Variants in ELP3 observed in about 807,000 individuals in gnomAD.
ELP3 encodes the protein elongator complex protein 3.
Under a neutral mutation model 74.9 loss-of-function variants are expected in ELP3, and 56 were observed. That is an observed-to-expected ratio of 0.75 (90% CI 0.60 to 0.93). The LOEUF (loss-of-function observed/expected upper bound fraction) is 0.93, where lower values mean the gene tolerates loss of function less well. Ranked by LOEUF, ELP3 falls within the 40% of genes least tolerant of loss-of-function variation. The pLI is 0.00. For synonymous variants in ELP3, 222 were observed against 239.8 expected, an observed-to-expected ratio of 0.93 and a Z score of 0.68; for missense variants, 573 against 686.5, an observed-to-expected ratio of 0.83 and a Z score of 1.85.
At position 28,189,943 on chromosome 8, in the gene ELP3, C is replaced by T. The variant is rs1406520171; in HGVS notation, c.*218C>T. On this transcript the variant is annotated 3_prime_UTR_variant, in exon 15 of 15. Transcript: ENST00000256398. ...CTCCTGCGTGCACCCCAAAAAATCA[C>T]TTGCGTTTTTGAGGCTTAAATCATC... is the stretch of plus-strand genomic sequence containing the variant. 16 of 472,076 alleles carry T rather than the reference C, an allele frequency of 3.4e-5. No individual in the cohort carries two copies. The South Asian group carries it at 5.0e-4, about 15-fold the overall frequency. 29.2% of individuals were successfully genotyped at this position (472,076 alleles called of 1,614,324 possible). A position where few individuals can be genotyped will look rare whatever the true frequency, so the allele number is the denominator to read the frequency against.
At chr8:28,178,637 A>G (rs1436167452) in intron 14 of ELP3, among the ~76,000 whole-genome samples, 1 of 152,222 alleles carries the variant, frequency 6.6e-6, no homozygotes, top group Non-Finnish European at 1.5e-5. Context: ...TTTGGGACAC[A>G]TAAGGACATA....
intron 7 of ELP3, among the ~76,000 whole-genome samples, chr8:28,116,645 C>A (rs929860414): frequency 6.6e-6 from 1 of 152,098 alleles, no homozygotes; most frequent in Non-Finnish European, 1.5e-5. Context: ...GAGGCCGAGG[C>A]ACAGAAACAC....
At chr8:28,095,947 CAGA>C (rs1393095875) in intron 1 of ELP3, among the ~76,000 whole-genome samples, 5 of 152,188 alleles carry the variant, frequency 3.3e-5, no homozygotes, top group Non-Finnish European at 2.9e-5. Flanking sequence ...CTGAGCCAGA[CAGA>C]AGAAGGTGAG....
intron 14 of ELP3, among the ~76,000 whole-genome samples, chr8:28,185,060 C>T (rs1404708955): frequency 6.6e-6 from 1 of 152,130 alleles, no homozygotes; most frequent in African/African-American, 2.4e-5. Flanking sequence ...CTGTCTTCTG[C>T]ACTTTTGTGT....
chr8:28,097,963 T>A (rs1811320272), intron 2 of ELP3, among the ~76,000 whole-genome samples: 1 of 152,150 alleles, frequency 6.6e-6, no homozygotes, highest in South Asian at 2.1e-4. Flanking sequence ...AGGTCAGCCG[T>A]CTCCAGAGCC....
chr8:28,096,984 A>G (rs1811277030), intron 1 of ELP3, among the ~76,000 whole-genome samples: 1 of 152,180 alleles, frequency 6.6e-6, no homozygotes, highest in South Asian at 2.1e-4. Context: ...TAATAATCTC[A>G]TAGAGTATGT....
At chr8:28,093,315 T>C in intron 1 of ELP3, 82 bp downstream of exon 1, 2 of 1,573,864 alleles carry the variant, frequency 1.3e-6, no homozygotes, top group Non-Finnish European at 8.6e-7. Context: ...AACCGAACTT[T>C]TACCGCGAGA....
At chr8:28,103,816 A>G (rs147122504) in intron 3 of ELP3, among the ~76,000 whole-genome samples, 75 of 152,148 alleles carry the variant, frequency 4.9e-4, no homozygotes, top group African/African-American at 1.7e-3. Context: ...CACTGCAGCA[A>G]CCTCCCAGGT....
intron 9 of ELP3, among the ~76,000 whole-genome samples, chr8:28,135,137 C>T (rs1693246384): frequency 6.6e-6 from 1 of 152,134 alleles, no homozygotes; most frequent in African/African-American, 2.4e-5. Flanking sequence ...ACCATGTTGA[C>T]CAGGCTGGTC....
intron 14 of ELP3, among the ~76,000 whole-genome samples, chr8:28,189,341 G>T (rs1181047180): frequency 6.6e-6 from 1 of 152,228 alleles, no homozygotes; most frequent in Non-Finnish European, 1.5e-5. Context: ...TGCCAGTAGG[G>T]TAGTGAATAC....
At chr8:28,162,554 T>C (rs73668163) in intron 14 of ELP3, among the ~76,000 whole-genome samples, 5,194 of 152,292 alleles carry the variant, frequency 0.034, 321 homozygotes, top group African/African-American at 0.12. Flanking sequence ...GGGGAACAGC[T>C]TTCCCCTGTT....
intron 12 of ELP3, among the ~76,000 whole-genome samples, chr8:28,159,301 AT>A (rs1304462947): frequency 1.3e-5 from 2 of 152,202 alleles, no homozygotes; most frequent in Admixed American, 1.3e-4. Flanking sequence ...CTGCATTGAT[AT>A]TTCTGTTCTC....
At chr8:28,142,419 T>C (rs551085584) in intron 10 of ELP3, among the ~76,000 whole-genome samples, 7 of 152,306 alleles carry the variant, frequency 4.6e-5, no homozygotes, top group African/African-American at 9.6e-5. Flanking sequence ...ACATCACTTA[T>C]GGAGCTTGTG....
At chr8:28,150,314 A>G (rs1407088314) in intron 10 of ELP3, among the ~76,000 whole-genome samples, 1 of 152,208 alleles carries the variant, frequency 6.6e-6, no homozygotes, top group Non-Finnish European at 1.5e-5. Flanking sequence ...ATTTCTCTTT[A>G]TGTAGGTCTG....
chr8:28,090,559 C>T (rs974937022), upstream of ELP3, among the ~76,000 whole-genome samples: 2 of 150,022 alleles, frequency 1.3e-5, no homozygotes, highest in Non-Finnish European at 3.0e-5. Context: ...TTGCAATTTG[C>T]TTATTATATC....
intron 2 of ELP3, among the ~76,000 whole-genome samples, chr8:28,098,934 T>C (rs547509991): frequency 9.2e-4 from 140 of 152,354 alleles, no homozygotes; most frequent in African/African-American, 3.3e-3. Flanking sequence ...TTGGTATGTG[T>C]GTGTGTTTTA....
In ELP3 at chr8:28,124,651, G is replaced by C. The variant is rs148325555; in HGVS notation, c.618-4851G>C. On this transcript the variant is annotated intron_variant, in intron 7 of 14. Transcript: ENST00000256398. ...TTTCTATTAATAATGTGTTGCTGCT[G>C]GTTCTTTAGCTACACGAGGGGACTA... 4.1e-4 allele frequency among the ~76,000 whole-genome samples: 63 copies of C among 152,030 alleles called. 2 individuals are homozygous for C. The East Asian group carries it at 0.01, about 25-fold the overall frequency.
At chr8:28,181,320 A>C (rs1403225857) in intron 14 of ELP3, among the ~76,000 whole-genome samples, 2 of 151,772 alleles carry the variant, frequency 1.3e-5, no homozygotes, top group Non-Finnish European at 2.9e-5. Flanking sequence ...TTTCCTCCAA[A>C]CTCTGTATTG....
chr8:28,184,284 G>A lies in ELP3; in HGVS notation c.1568-5365G>A, dbSNP rs193211820. On this transcript the variant is annotated intron_variant, in intron 14 of 14. Transcript: ENST00000256398. The stretch of plus-strand genomic sequence containing the variant: ...ATGCCAGCACTTCTCAGAGGACCTG[G>A]AGACAGTGTTCCATCTCAGGGCTGA... Among the ~76,000 whole-genome samples the A allele has an allele frequency of 2.5e-3, 377 of 152,306 alleles. 1 individual carries two copies. Among genetic ancestry groups the A allele is most frequent in the Non-Finnish European group, 4.1e-3 (278 of 68,014 alleles).
Sources: gnomAD v4.1 joint callset for allele counts (sites outside exome capture counted in the v4.1 genomes callset) on GRCh38, gnomAD v4.1.1 for gene constraint, MANE v1.5 for transcripts, NCBI Gene and HGNC (gene_info 2026-07-23, HGNC 2026-07-21) for gene names.